Variants in EFNB2 observed in about 807,000 individuals in gnomAD.
EFNB2 encodes ephrin-B2.
A neutral mutation model predicts 32.1 loss-of-function variants in EFNB2; 5 were observed. The ratio of observed to expected loss-of-function variants is 0.16; its 90% CI spans 0.08 to 0.33. The LOEUF is 0.33. Among genes scored for constraint, EFNB2 ranks in the 10% least tolerant of loss-of-function variants. The probability of loss-of-function intolerance (pLI) is 1.00; values close to 1 mark genes in which losing one functional copy is unlikely to be tolerated. For synonymous variants in EFNB2, 168 were observed against 166.5 expected (o/e 1.01, Z -0.07); for missense variants, 263 against 422.6 (o/e 0.62, Z 3.31).
At chr13:106,532,405 T>C (rs184440459) in intron 1 of EFNB2, among the ~76,000 whole-genome samples, 24 of 152,326 alleles carry the variant, frequency 1.6e-4, no homozygotes, top group African/African-American at 5.5e-4. Flanking sequence ...CCACAGTTCA[T>C]AGGAACTGAT....
In EFNB2 at chr13:106,493,737, T is replaced by C. The variant is rs751175694; in HGVS notation, c.614-309A>G. On this transcript the variant is annotated intron_variant, in intron 4 of 4. Transcript: ENST00000646441. The surrounding 1 kb of genome is among the most constrained non-coding windows in gnomAD (Gnocchi z 6.1). ...ATCTTCTAACCCGTGTCAGCCAGCC[T>C]GGGGCAGCGGCAGGGAAGAAAAAGG... is the stretch of plus-strand genomic sequence containing the variant. Among the ~76,000 whole-genome samples the C allele has an allele frequency of 2.3e-4, 35 of 152,274 alleles. No individual in the cohort carries two copies. Among genetic ancestry groups the C allele is most frequent in the South Asian group, 1.2e-3 (6 of 4,824 alleles).
chr13:106,529,837 A>T (rs117165001), intron 1 of EFNB2, among the ~76,000 whole-genome samples: 1 of 152,322 alleles, frequency 6.6e-6, no homozygotes, highest in East Asian at 1.9e-4. Context: ...AAAAGGGATC[A>T]GTTTCTTTAT....
At chr13:106,521,234 T>TGG (rs368994242) in intron 1 of EFNB2, 2 of 37,490 alleles carry the variant, frequency 5.3e-5, no homozygotes, top group African/African-American at 9.5e-5. Context: ...TGGGTGGGGG[T>TGG]GGGGGGTACA....
At chr13:106,495,024 C>A in intron 3 of EFNB2, 30 bp from the exon 4 acceptor site, 1 of 1,554,532 alleles carries the variant, frequency 6.4e-7, no homozygotes, top group South Asian at 1.1e-5. Context: ...TTAATTACGG[C>A]ACAGACATCT....
At chr13:106,532,176 C>T (rs1566465009) in intron 1 of EFNB2, among the ~76,000 whole-genome samples, 1 of 152,060 alleles carries the variant, frequency 6.6e-6, no homozygotes, top group Non-Finnish European at 1.5e-5. Context: ...ACTGTTTCAG[C>T]ACGCAGGACA....
chr13:106,532,509 A>G (rs1417628208), intron 1 of EFNB2, among the ~76,000 whole-genome samples: 1 of 152,222 alleles, frequency 6.6e-6, no homozygotes, highest in Non-Finnish European at 1.5e-5. Context: ...TCCCCAAGGA[A>G]AGCGACCCCC....
At chr13:106,514,009 T>G (rs1431326771) in intron 1 of EFNB2, among the ~76,000 whole-genome samples, 3 of 152,234 alleles carry the variant, frequency 2.0e-5, no homozygotes, top group African/African-American at 7.2e-5. Context: ...GAAAAGTGCA[T>G]GAGTGTGGTT....
intron 1 of EFNB2, among the ~76,000 whole-genome samples, chr13:106,531,349 T>C (rs1879866652): frequency 2.0e-5 from 3 of 152,212 alleles, no homozygotes; most frequent in Admixed American, 1.3e-4. Context: ...CGACAGTCCA[T>C]TACCTACAGT....
chr13:106,533,537 G>T (rs1156305739), intron 1 of EFNB2, among the ~76,000 whole-genome samples: 1 of 152,328 alleles, frequency 6.6e-6, no homozygotes, highest in East Asian at 1.9e-4. Flanking sequence ...TGTTTAAACC[G>T]ATTTGTAACC....
chr13:106,520,185 T>C (rs1482905831), intron 1 of EFNB2: 2 of 152,280 alleles, frequency 1.3e-5, no homozygotes, highest in Admixed American at 6.5e-5. Context: ...GCCAGTGTTC[T>C]GTATCAAGTA....
At chr13:106,496,696 A>AT (rs11333658) in intron 2 of EFNB2, among the ~76,000 whole-genome samples, 39 of 149,492 alleles carry the variant, frequency 2.6e-4, no homozygotes, top group South Asian at 8.4e-4. Flanking sequence ...CATTTTCAGC[A>AT]TTTTTTTTTT....
chr13:106,520,979 G>A (rs1229639781), intron 1 of EFNB2: 3 of 152,038 alleles, frequency 2.0e-5, no homozygotes, highest in Non-Finnish European at 4.4e-5. Context: ...TCTTCTCAGC[G>A]GCTTTAAACC....
intron 1 of EFNB2, among the ~76,000 whole-genome samples, chr13:106,528,479 AAAAC>A (rs1476915693): frequency 3.4e-5 from 5 of 148,038 alleles, no homozygotes; most frequent in Non-Finnish European, 6.0e-5. Context: ...TTAAAAAAAA[AAAAC>A]AACAACAACA....
intron 1 of EFNB2, among the ~76,000 whole-genome samples, chr13:106,530,051 T>C (rs1247269201): frequency 6.6e-6 from 1 of 152,222 alleles, no homozygotes; most frequent in Non-Finnish European, 1.5e-5. Context: ...GAATTTAAAA[T>C]GAGAATTAAA....
rs1261237747 is a variant in EFNB2 at position 106,535,188 on chromosome 13, G to A, written c.-224C>T. On this transcript the variant is annotated 5_prime_UTR_variant, in exon 1 of 5. Coordinates refer to ENST00000646441, the MANE Select transcript of EFNB2 (RefSeq NM_004093.4). Reference sequence around the variant, plus strand: ...GAGCGCACGCGCGGGGCGCGGCGGCGCGGCGGACTCGGGGTTCCGGGGCGC... The same window carrying A: ...GAGCGCACGCGCGGGGCGCGGCGGCACGGCGGACTCGGGGTTCCGGGGCGC... 1 of 197,192 alleles carries A rather than the reference G, an allele frequency of 5.1e-6. No homozygotes were observed. Among genetic ancestry groups the A allele is most frequent in the Non-Finnish European group, 9.1e-6 (1 of 109,798 alleles). The allele number at this position is 197,192 out of a possible 1,614,324, so 12.2% of individuals were successfully genotyped here. A position where few individuals can be genotyped will look rare whatever the true frequency, so the allele number is the denominator to read the frequency against.
chr13:106,534,795 C>G, intron 1 of EFNB2, 48 bp downstream of exon 1: 7 of 1,569,600 alleles, frequency 4.5e-6, no homozygotes, highest in Non-Finnish European at 6.1e-6. Flanking sequence ...CCGGACGGCG[C>G]GGCGGACCCC....
intron 1 of EFNB2, among the ~76,000 whole-genome samples, chr13:106,533,160 A>T (rs1397516725): frequency 6.6e-6 from 1 of 150,512 alleles, no homozygotes; most frequent in Non-Finnish European, 1.5e-5. Context: ...TGGCTGGAGC[A>T]GGCGGCCTGG....
intron 1 of EFNB2, among the ~76,000 whole-genome samples, chr13:106,527,888 A>G (rs2138943432): frequency 6.6e-6 from 1 of 152,376 alleles, no homozygotes; most frequent in East Asian, 1.9e-4. Flanking sequence ...TTTCTGATAG[A>G]AAGCTGGAGG....
intron 2 of EFNB2, among the ~76,000 whole-genome samples, chr13:106,498,335 T>C (rs1878658612): frequency 6.6e-6 from 1 of 152,214 alleles, no homozygotes; most frequent in Non-Finnish European, 1.5e-5. Flanking sequence ...TAAATAGAAT[T>C]GAGAACTGCG....
Sources: gnomAD v4.1 joint callset for allele counts (sites outside exome capture counted in the v4.1 genomes callset) on GRCh38, gnomAD v4.1.1 for gene constraint, Gnocchi (gnomAD v3.1) non-coding constraint, MANE v1.5 for transcripts, NCBI Gene and HGNC (gene_info 2026-07-23, HGNC 2026-07-21) for gene names.